REEP3: variants seen among roughly 807,000 people sequenced by gnomAD.
REEP3 encodes receptor accessory protein 3.
In REEP3, 20 loss-of-function variants were observed where a neutral mutation model predicts 41.3. The observed-to-expected ratio is 0.48, with a 90% CI of 0.34 to 0.70. The LOEUF (loss-of-function observed/expected upper bound fraction) is 0.70, where lower values mean the gene tolerates loss of function less well. REEP3 is among the 30% of genes least tolerant of loss of function. The probability of loss-of-function intolerance (pLI) is 0.01; values close to 1 mark genes in which losing one functional copy is unlikely to be tolerated. For missense variants in REEP3, 271 were observed against 308.8 expected, an observed-to-expected ratio of 0.88 and a Z score of 0.92; for synonymous variants, 104 against 101.8, an observed-to-expected ratio of 1.02 and a Z score of -0.13.
chr10:63,542,662 G>A (rs1265275870), intron 1 of REEP3, among the ~76,000 whole-genome samples: 2 of 151,972 alleles, frequency 1.3e-5, no homozygotes, highest in South Asian at 2.1e-4. Context: ...TTTCAGACTC[G>A]CAACCCTTTT....
rs192266689 is a variant in REEP3, at chr10:63,623,472, A to G, written c.*2603A>G. The G allele has an allele frequency of 6.6e-6, 1 of 152,310 alleles. No individual in the cohort carries two copies. The highest frequency in any genetic ancestry group is 2.4e-5 in the African/African-American group (1 of 41,552). The allele number at this position is 152,310 out of a possible 1,614,324, so 9.4% of individuals were successfully genotyped here. On this transcript the variant is annotated 3_prime_UTR_variant, in exon 8 of 8. Transcript: ENST00000373758. ...CCTCTGCCAGCACATGGAGCACGGG[A>G]TTAGATGCACAAACCTATTTAGGGA...
At chr10:63,551,960 A>G (rs888629100) in intron 1 of REEP3, among the ~76,000 whole-genome samples, 4 of 152,242 alleles carry the variant, frequency 2.6e-5, no homozygotes, top group Non-Finnish European at 5.9e-5. Flanking sequence ...TATCTGTACT[A>G]TCTTCACACT....
intron 5 of REEP3, among the ~76,000 whole-genome samples, chr10:63,601,085 C>T (rs1488806850): frequency 7.2e-5 from 11 of 151,734 alleles, no homozygotes; most frequent in African/African-American, 2.7e-4. Context: ...ACCCGGGAGG[C>T]GGAGGCTGCA....
At position 63,619,757 on chromosome 10, in the gene REEP3, C is replaced by T. The variant is rs371406997; in HGVS notation, c.668C>T (p.Ser223Leu). Residue 223 changes from serine to leucine, a missense_variant, in exon 7 of 8, where the codon TCG becomes TTG. By Grantham distance (145) the Ser-to-Leu change is moderately radical. Transcript: ENST00000373758. Reference protein sequence around the residue: ...EMLTHKGLRRSQSMKSVKTTK... With the variant: ...EMLTHKGLRRLQSMKSVKTTK... ...TTAACACACAAAGGGCTTCGAAGAT[C>T]GCAAAGCATGAAATCTGTGAAAACC... 57 of 1,609,656 alleles carry T rather than the reference C, an allele frequency of 3.5e-5. No individual in the cohort carries two copies. In the African/African-American group the frequency reaches 5.2e-4, roughly 15 times the overall value.
chr10:63,612,613 A>T (rs889236470), intron 6 of REEP3, among the ~76,000 whole-genome samples: 4 of 151,786 alleles, frequency 2.6e-5, no homozygotes, highest in Admixed American at 1.3e-4. Flanking sequence ...CAACATGGCG[A>T]AACCCTGTCT....
At chr10:63,535,174 C>T (rs982496797) in intron 1 of REEP3, among the ~76,000 whole-genome samples, 6 of 151,434 alleles carry the variant, frequency 4.0e-5, no homozygotes, top group African/African-American at 1.5e-4. Context: ...TACAGAAGGC[C>T]AAAATAAAGG....
chr10:63,582,069 A>G (rs769765001), intron 2 of REEP3, among the ~76,000 whole-genome samples: 2 of 152,220 alleles, frequency 1.3e-5, no homozygotes, highest in Admixed American at 6.5e-5. Context: ...TTGTCAGAAC[A>G]TGCACAGCAC....
intron 1 of REEP3, among the ~76,000 whole-genome samples, chr10:63,536,161 T>G (rs1955472084): frequency 1.3e-5 from 2 of 152,216 alleles, no homozygotes; most frequent in Admixed American, 1.3e-4. Context: ...CTTCCCAAAG[T>G]GGTCACACAG....
chr10:63,610,203 C>T lies in REEP3; in HGVS notation c.434C>T (p.Thr145Ile), dbSNP rs762191127. 5.0e-6 allele frequency: 8 copies of T among 1,610,042 alleles called. No individual in the cohort carries two copies. The highest frequency in any genetic ancestry group is 3.3e-4 in the Middle Eastern group (2 of 6,082). ...GTTAAATAGAGCCAAGGAGCAATAACTGAACGTTTAAGAAGCTTCAGTATG... is the reference window on the plus strand; with the variant it reads ...GTTAAATAGAGCCAAGGAGCAATAATTGAACGTTTAAGAAGCTTCAGTATG... ...TAAVKSQGAITERLRSFSMHD... is the reference protein window; with the variant it reads ...TAAVKSQGAIIERLRSFSMHD... The change falls in exon 6 of 8, where the codon ACT becomes ATT. Residue 145 changes from threonine (T) to isoleucine (I), a missense_variant. Transcript: ENST00000373758.
intron 6 of REEP3, among the ~76,000 whole-genome samples, chr10:63,611,623 G>A (rs1408488015): frequency 6.6e-6 from 1 of 151,962 alleles, no homozygotes; most frequent in Non-Finnish European, 1.5e-5. Context: ...TTATTAATGT[G>A]TTAAGTCCAT....
chr10:63,541,131 CAAAT>C (rs758437513), intron 1 of REEP3, among the ~76,000 whole-genome samples: 19 of 152,086 alleles, frequency 1.2e-4, no homozygotes, highest in Non-Finnish European at 2.1e-4. Context: ...ACTTTTTAAA[CAAAT>C]AAAATAATTT....
Position 63,566,403 on chromosome 10 carries a change from A to G in REEP3, c.98A>G (p.Lys33Arg). The stretch of plus-strand genomic sequence containing the variant: ...AAAGCTGTGAAAACAAAAAACGTGA[A>G]GGAATATGTAAGTATAGTTTTATGA... The part of the protein sequence containing the change: ...SYKAVKTKNV[K>R]EYVRWMMYWI... Residue 33 changes from lysine (K) to arginine (R), a missense_variant, in exon 2 of 8, where the codon AAG becomes AGG. Coordinates refer to ENST00000373758, the MANE Select transcript of REEP3 (RefSeq NM_001001330.3). The G allele has an allele frequency of 6.6e-7, 1 of 1,508,714 alleles. No individual in the cohort carries two copies. Among genetic ancestry groups the G allele is most frequent in the Non-Finnish European group, 9.0e-7 (1 of 1,106,610 alleles). The allele number at this position is 1,508,714 out of a possible 1,614,324, so 93.5% of individuals were successfully genotyped here.
Position 63,594,781 on chromosome 10 carries a change from C to A in REEP3, c.109C>A (p.Arg37=), listed in dbSNP as rs779981551. ...VKTKNVKEYV[R]WMMYWIVFAL... ...TGAGTATTTTTATTATTTCCAGGTT[C>A]GATGGATGATGTACTGGATTGTTTT... The change falls in exon 3 of 8, where the codon CGA becomes AGA. Residue 37 remains arginine (R), a synonymous_variant. Coordinates refer to ENST00000373758, the MANE Select transcript of REEP3 (RefSeq NM_001001330.3). 1 of 1,601,082 alleles carries A rather than the reference C, an allele frequency of 6.2e-7. No homozygotes were observed. The highest frequency in any genetic ancestry group is 1.1e-5 in the South Asian group (1 of 90,742).
At chr10:63,584,857 C>T (rs1955990300) in intron 2 of REEP3, among the ~76,000 whole-genome samples, 1 of 152,096 alleles carries the variant, frequency 6.6e-6, no homozygotes, top group African/African-American at 2.4e-5. Context: ...TGAAATTCAG[C>T]AGTGTTTATT....
intron 1 of REEP3, among the ~76,000 whole-genome samples, chr10:63,535,501 A>G (rs1413717917): frequency 6.6e-6 from 1 of 152,224 alleles, no homozygotes; most frequent in Non-Finnish European, 1.5e-5. Context: ...CTAATTACCT[A>G]TAAAGTTCAT....
intron 2 of REEP3, among the ~76,000 whole-genome samples, chr10:63,569,604 A>G (rs1249170848): frequency 1.3e-5 from 2 of 152,108 alleles, no homozygotes; most frequent in African/African-American, 4.8e-5. Flanking sequence ...TCAAAGGTAA[A>G]GGGATAGCAT....
rs1043340894 is a variant in REEP3, at chr10:63,521,485, G to A, written c.-61G>A. ...CGAAGCGCGCGGCCTGCCGTTGGCGGCCTGGTCCGCAGCGCCCTGCGCCCA... is the reference window on the plus strand; with the variant it reads ...CGAAGCGCGCGGCCTGCCGTTGGCGACCTGGTCCGCAGCGCCCTGCGCCCA... On this transcript the variant is annotated 5_prime_UTR_variant, in exon 1 of 8. Transcript: ENST00000373758. The A allele has an allele frequency of 4.8e-5, 59 of 1,217,046 alleles. No individual in the cohort carries two copies. Among genetic ancestry groups the A allele is most frequent in the Non-Finnish European group, 5.6e-5 (53 of 940,430 alleles). 75.4% of individuals were successfully genotyped at this position (1,217,046 alleles called of 1,614,324 possible).
Position 63,568,797 on chromosome 10 carries a change from A to C in REEP3, c.105+2387A>C, listed in dbSNP as rs577215372. Among the ~76,000 whole-genome samples, 16 of 148,114 alleles carry C rather than the reference A, an allele frequency of 1.1e-4. No individual in the cohort carries two copies. The South Asian group carries it at 3.3e-3, about 31-fold the overall frequency. On this transcript the variant is annotated intron_variant, in intron 2 of 7. Coordinates refer to ENST00000373758, the MANE Select transcript of REEP3 (RefSeq NM_001001330.3). ...CAGCCTTCTCAGTAGCTGGGACTAC[A>C]GCCGTGCACCACCATGCCCAGCTAA...
chr10:63,521,615 G>C, intron 1 of REEP3, 38 bp downstream of exon 1: 1 of 1,370,858 alleles, frequency 7.3e-7, no homozygotes, highest in South Asian at 1.6e-5. Context: ...CCGGCGCGAG[G>C]CCCAGGGGAG....
Sources: gnomAD v4.1 joint callset for allele counts (sites outside exome capture counted in the v4.1 genomes callset) on GRCh38, gnomAD v4.1.1 for gene constraint, MANE v1.5 for transcripts, NCBI Gene and HGNC (gene_info 2026-07-23, HGNC 2026-07-21) for gene names.